Variants in RIOK3 observed in about 807,000 individuals in gnomAD.
RIOK3 encodes RIO kinase 3.
RIOK3 carries 40 observed loss-of-function variants against 63.5 expected under a neutral mutation model. That is an observed-to-expected ratio of 0.63 (90% confidence interval 0.49 to 0.82). RIOK3 has a LOEUF of 0.82. RIOK3 is among the 40% of genes least tolerant of loss of function. RIOK3 has a pLI of 0.00. For synonymous variants in RIOK3, 193 were observed against 205.0 expected (o/e 0.94, Z 0.50); for missense variants, 557 against 637.0 (o/e 0.87, Z 1.35).
chr18:23,479,290 A>T (rs1016538814), intron 11 of RIOK3, 27 bp from the exon 12 acceptor site: 1 of 1,408,840 alleles, frequency 7.1e-7, no homozygotes, highest in Non-Finnish European at 1.0e-6. Context: ...AATACTTCTT[A>T]CTGACTTTCT....
chr18:23,464,746 T>C, intron 5 of RIOK3, 118 bp downstream of exon 5: 1 of 528,030 alleles, frequency 1.9e-6, no homozygotes, highest in Non-Finnish European at 3.2e-6. Context: ...CTAAAGATGT[T>C]TTTAGATAAC....
Position 23,480,507 on chromosome 18 carries a change from T to TA in RIOK3, c.1453-657dup, listed in dbSNP as rs568125650. Among the ~76,000 whole-genome samples the TA allele has an allele frequency of 6.1e-5, 9 of 147,932 alleles. No homozygotes were observed. The South Asian group carries it at 8.6e-4, about 14-fold the overall frequency. ...TAAATATTGACCCTTGCAATCAAGT[T>TA]AAAAAAAATACATGTATGTATGACT... On this transcript the variant is annotated intron_variant, in intron 12 of 12. Transcript: ENST00000339486.
In RIOK3 at chr18:23,479,327, AAGG is replaced by A; in HGVS notation, c.1361_1363del (p.Gly454del). 2 of 1,607,962 alleles carry A rather than the reference AAGG, an allele frequency of 1.2e-6. No individual in the cohort carries two copies. Among genetic ancestry groups the A allele is most frequent in the Non-Finnish European group, 1.7e-6 (2 of 1,174,550 alleles). On this transcript the variant is annotated inframe_deletion, in exon 12 of 13. Transcript: ENST00000339486. ...GTATTTCCTTACTAGTTTTTCCAGA[AAGG>A]AGGAGTCAAGGAAGCCCTTAGTGAA...
At chr18:23,464,171 C>T in intron 3 of RIOK3, 35 bp from the exon 4 acceptor site, 1 of 1,608,670 alleles carries the variant, frequency 6.2e-7, no homozygotes. Flanking sequence ...ATAATGTGCT[C>T]CTAAGTAAAT....
intron 6 of RIOK3, among the ~76,000 whole-genome samples, chr18:23,467,088 G>T (rs1398505114): frequency 6.6e-6 from 1 of 151,690 alleles, no homozygotes; most frequent in African/African-American, 2.4e-5. Context: ...GGCCAAGGCG[G>T]GCGGATCATG....
chr18:23,456,240 C>T (rs1288497512), intron 1 of RIOK3: 1 of 152,230 alleles, frequency 6.6e-6, no homozygotes, highest in Admixed American at 6.5e-5. Context: ...CACGCCCAGC[C>T]CGGACTTCTT....
chr18:23,455,377 T>C (rs1288711955), intron 1 of RIOK3, among the ~76,000 whole-genome samples: 1 of 137,130 alleles, frequency 7.3e-6, no homozygotes, highest in Non-Finnish European at 1.5e-5. Context: ...CCAACGTCTT[T>C]CTTTTTTTTT....
intron 7 of RIOK3, among the ~76,000 whole-genome samples, chr18:23,470,277 A>C (rs2057447599): frequency 6.6e-6 from 1 of 151,496 alleles, no homozygotes; most frequent in African/African-American, 2.4e-5. Context: ...GAGGCAGGAG[A>C]ATGGCGTGAA....
intron 7 of RIOK3, 24 bp downstream of exon 7, chr18:23,467,550 A>G (rs777786240): frequency 2.8e-5 from 45 of 1,605,000 alleles, no homozygotes; most frequent in Non-Finnish European, 3.2e-5. Context: ...ATATGATACC[A>G]TGATATGAAA....
At chr18:23,480,678 C>T (rs2057527695) in intron 12 of RIOK3, among the ~76,000 whole-genome samples, 1 of 152,056 alleles carries the variant, frequency 6.6e-6, no homozygotes, top group Non-Finnish European at 1.5e-5. Flanking sequence ...GGCATGGCAG[C>T]TCACTCCTGT....
At chr18:23,472,839 C>T (rs2057464946) in intron 7 of RIOK3, among the ~76,000 whole-genome samples, 1 of 152,174 alleles carries the variant, frequency 6.6e-6, no homozygotes, top group African/African-American at 2.4e-5. Flanking sequence ...CTGTGGTTTC[C>T]TGCCTCTGCT....
chr18:23,465,854 A>C (rs2057403261), intron 5 of RIOK3, among the ~76,000 whole-genome samples: 1 of 152,350 alleles, frequency 6.6e-6, no homozygotes. Flanking sequence ...GGCTAAAAGC[A>C]AGGTACAATG....
In RIOK3 at chr18:23,453,563, G is replaced by A. The variant is rs561032375; in HGVS notation, c.63+61G>A. 21 of 1,392,694 alleles carry A rather than the reference G, an allele frequency of 1.5e-5. No individual in the cohort carries two copies. The East Asian group carries it at 4.8e-4, about 32-fold the overall frequency. 86.3% of individuals were successfully genotyped at this position (1,392,694 alleles called of 1,614,324 possible). On this transcript the variant is annotated intron_variant, in intron 1 of 12. Transcript: ENST00000339486. ...TCACACGGGCTGGATCTCTCGGAAA[G>A]CTCGGAGAGGGCGGCTTCGTGGGCG...
intron 11 of RIOK3, among the ~76,000 whole-genome samples, chr18:23,478,029 G>A (rs369587397): frequency 3.4e-5 from 5 of 149,110 alleles, no homozygotes; most frequent in Admixed American, 6.7e-5. Flanking sequence ...CCAAGGTTGC[G>A]CCATTGCACT....
chr18:23,466,802 G>A (rs945312795), intron 6 of RIOK3, among the ~76,000 whole-genome samples: 2 of 150,984 alleles, frequency 1.3e-5, no homozygotes, highest in African/African-American at 4.9e-5. Context: ...ACCAGCCTGG[G>A]CAACATAGGG....
In RIOK3 at chr18:23,455,079, T is replaced by C. The variant is rs188946870; in HGVS notation, c.63+1577T>C. Among the ~76,000 whole-genome samples the C allele has an allele frequency of 1.3e-3, 195 of 152,260 alleles. 1 individual carries two copies. Among genetic ancestry groups the C allele is most frequent in the African/African-American group, 4.7e-3 (194 of 41,524 alleles). On this transcript the variant is annotated intron_variant, in intron 1 of 12. Transcript: ENST00000339486. Reference sequence around the variant, plus strand: ...CTTTCCTTTCTTTCCTTTTCATTTATTTATTTATTTGAGACGGAGTCTCGC... The same window carrying C: ...CTTTCCTTTCTTTCCTTTTCATTTACTTATTTATTTGAGACGGAGTCTCGC...
intron 7 of RIOK3, among the ~76,000 whole-genome samples, chr18:23,469,694 G>A (rs1314052798): frequency 6.6e-6 from 1 of 151,534 alleles, no homozygotes; most frequent in Non-Finnish European, 1.5e-5. Context: ...CACCATTTTG[G>A]CCAGGCTGGT....
At chr18:23,453,699 A>T (rs2057319565) in intron 1 of RIOK3, among the ~76,000 whole-genome samples, 197 bp downstream of exon 1, 1 of 152,202 alleles carries the variant, frequency 6.6e-6, no homozygotes, top group Non-Finnish European at 1.5e-5. Context: ...GGGCGGCTGG[A>T]TCTCCCAAAG....
intron 5 of RIOK3, among the ~76,000 whole-genome samples, chr18:23,465,824 A>C (rs888515508): frequency 6.6e-5 from 10 of 152,350 alleles, no homozygotes; most frequent in Admixed American, 3.3e-4. Context: ...TAGCCTTCAC[A>C]GTTCAATATT....
Sources: gnomAD v4.1 joint callset for allele counts (sites outside exome capture counted in the v4.1 genomes callset) on GRCh38, gnomAD v4.1.1 for gene constraint, MANE v1.5 for transcripts, NCBI Gene and HGNC (gene_info 2026-07-23, HGNC 2026-07-21) for gene names.